The following PCDH11X variants were observed in gnomAD, a reference collection of about 807,000 sequenced individuals.
PCDH11X encodes the protein protocadherin-11 X-linked.
In PCDH11X, 18 loss-of-function variants were observed where a neutral mutation model predicts 53.3. That is an observed-to-expected ratio of 0.34 (90% CI 0.23 to 0.50). The LOEUF is 0.50. PCDH11X is among the 20% of genes least tolerant of loss of function. The pLI is 0.98. For missense variants in PCDH11X, 570 were observed against 1,032.4 expected, an observed-to-expected ratio of 0.55 and a Z score of 6.14; for synonymous variants, 279 against 393.3, an observed-to-expected ratio of 0.71 and a Z score of 3.44.
At chrX:92,414,404 G>A (rs1157049408) in intron 9 of PCDH11X, among the ~76,000 whole-genome samples, 2 of 91,596 alleles carry the variant, frequency 2.2e-5, no homozygotes, top group African/African-American at 4.2e-5. Flanking sequence ...ATAATATCAA[G>A]GTCTTAAATC....
In PCDH11X at chrX:91,941,191, G is replaced by A. The variant is rs560831055; in HGVS notation, c.3033+61918G>A. Among the ~76,000 whole-genome samples the A allele has an allele frequency of 1.0e-3, 113 of 110,588 alleles. 1 individual carries two copies. The South Asian group carries it at 0.043, about 42-fold the overall frequency. ...ACAAAAAAACAAATAGCAAGAAAAC[G>A]GGAAAGACATAGGACAAACAAAAAA... is the stretch of plus-strand genomic sequence containing the variant. On this transcript the variant is annotated intron_variant, in intron 6 of 10. Coordinates refer to ENST00000682573, the MANE Select transcript of PCDH11X (RefSeq NM_032968.5).
intron 6 of PCDH11X, among the ~76,000 whole-genome samples, chrX:91,932,722 G>C (rs187275160): frequency 9.7e-4 from 108 of 111,179 alleles, no homozygotes; most frequent in Non-Finnish European, 2.3e-4. Flanking sequence ...GCCTGAGAAA[G>C]AGATAGAGGG....
Position 91,984,490 on chromosome X carries a change from T to A in PCDH11X, c.3033+105217T>A, listed in dbSNP as rs2147932984. Among the ~76,000 whole-genome samples the A allele has an allele frequency of 2.8e-5, 3 of 105,411 alleles. No individual in the cohort carries two copies. In the East Asian group the frequency reaches 9.0e-4, roughly 32 times the overall value. The allele number at this position is 105,411 out of a possible 115,157, so 91.5% of individuals were successfully genotyped here. A position where few individuals can be genotyped will look rare whatever the true frequency, so the allele number is the denominator to read the frequency against. ...TGTTGACTCTTTTCTACGGCAAATT[T>A]TGAACTCTGAGCTAATCTTCAGAGA... On this transcript the variant is annotated intron_variant, in intron 6 of 10. Coordinates refer to ENST00000682573, the MANE Select transcript of PCDH11X (RefSeq NM_032968.5).
At chrX:92,416,209 TTAA>T (rs2071806944) in intron 9 of PCDH11X, among the ~76,000 whole-genome samples, 1 of 110,686 alleles carries the variant, frequency 9.0e-6, no homozygotes, top group Non-Finnish European at 1.9e-5. Flanking sequence ...GTGGGAATGG[TTAA>T]TGAGTACACA....
chrX:92,356,873 G>C (rs2070221840), intron 8 of PCDH11X, among the ~76,000 whole-genome samples: 1 of 109,678 alleles, frequency 9.1e-6, no homozygotes, highest in Non-Finnish European at 1.9e-5. Context: ...CCAGAGATGG[G>C]CCACGTAAAA....
chrX:92,141,990 G>A (rs948079711), intron 6 of PCDH11X, among the ~76,000 whole-genome samples: 3 of 110,579 alleles, frequency 2.7e-5, no homozygotes, highest in Non-Finnish European at 5.7e-5. Context: ...TATCAGACAA[G>A]GCAGATGCAA....
intron 6 of PCDH11X, among the ~76,000 whole-genome samples, chrX:92,032,658 C>A (rs2063069970): frequency 9.1e-6 from 1 of 110,193 alleles, no homozygotes; most frequent in South Asian, 3.9e-4. Context: ...TATGTTTCTT[C>A]TATCCCTAGT....
At chrX:92,057,979 T>C (rs1176199370) in intron 6 of PCDH11X, among the ~76,000 whole-genome samples, 1 of 92,044 alleles carries the variant, frequency 1.1e-5, no homozygotes, top group Non-Finnish European at 2.0e-5. Context: ...CTTCCCTTTC[T>C]ATGTTGCTCT....
At chrX:92,135,695 C>G (rs965774142) in intron 6 of PCDH11X, among the ~76,000 whole-genome samples, 3 of 109,498 alleles carry the variant, frequency 2.7e-5, no homozygotes, top group Non-Finnish European at 5.7e-5. Flanking sequence ...TCAAGCTGTA[C>G]AGTACCCTGT....
intron 5 of PCDH11X, among the ~76,000 whole-genome samples, chrX:91,871,113 T>C (rs942822890): frequency 1.8e-5 from 2 of 109,586 alleles, no homozygotes; most frequent in Non-Finnish European, 3.8e-5. Flanking sequence ...CCTAATAGTT[T>C]TAGACAGCCT....
chrX:92,096,668 G>A (rs935929811), intron 6 of PCDH11X, among the ~76,000 whole-genome samples: 1 of 110,617 alleles, frequency 9.0e-6, no homozygotes, highest in African/African-American at 3.3e-5. Flanking sequence ...AAGGCAGTAG[G>A]CAAGAGAGAA....
intron 6 of PCDH11X, among the ~76,000 whole-genome samples, chrX:92,015,531 T>C (rs1425084563): frequency 2.7e-5 from 3 of 112,748 alleles, no homozygotes; most frequent in Non-Finnish European, 5.6e-5. Flanking sequence ...AAATCTTTTG[T>C]TGTCAATTCA....
At chrX:92,319,265 T>A (rs894714306) in intron 8 of PCDH11X, among the ~76,000 whole-genome samples, 1 of 112,073 alleles carries the variant, frequency 8.9e-6, no homozygotes, top group Admixed American at 9.5e-5. Flanking sequence ...CTCTATCAAT[T>A]GGTCATTTAT....
chrX:92,229,370 T>G (rs2067028232), intron 7 of PCDH11X, among the ~76,000 whole-genome samples: 1 of 111,066 alleles, frequency 9.0e-6, no homozygotes, highest in South Asian at 3.8e-4. Flanking sequence ...GGTCTCATCT[T>G]TCTCCTCAGA....
chrX:92,143,133 G>A (rs1407357291), intron 6 of PCDH11X, among the ~76,000 whole-genome samples: 1 of 111,306 alleles, frequency 9.0e-6, no homozygotes, highest in Non-Finnish European at 1.9e-5. Context: ...AAAAAAAGTA[G>A]CTAGATGTGG....
At chrX:92,278,238 A>C (rs1282297966) in intron 8 of PCDH11X, among the ~76,000 whole-genome samples, 1 of 111,443 alleles carries the variant, frequency 9.0e-6, no homozygotes, top group Non-Finnish European at 1.9e-5. Flanking sequence ...AATTGGTGAG[A>C]TGTTTCTTGG....
At chrX:92,438,641 G>T (rs1380131753) in intron 9 of PCDH11X, among the ~76,000 whole-genome samples, 5 of 111,245 alleles carry the variant, frequency 4.5e-5, no homozygotes, top group African/African-American at 1.6e-4. Flanking sequence ...CAGAGGAAAA[G>T]AACATTTTTA....
intron 5 of PCDH11X, among the ~76,000 whole-genome samples, chrX:91,867,889 A>T (rs1225817334): frequency 9.0e-6 from 1 of 111,535 alleles, no homozygotes; most frequent in Non-Finnish European, 1.9e-5. Context: ...CTGGGAAAAA[A>T]TTTTTTGATC....
intron 10 of PCDH11X, among the ~76,000 whole-genome samples, chrX:92,616,301 T>C (rs1276159316): frequency 2.0e-3 from 124 of 63,531 alleles, no homozygotes; most frequent in African/African-American, 7.2e-3. Context: ...TAGTTAAGAA[T>C]GCTGCCTAAC....
Sources: gnomAD v4.1 joint callset for allele counts (sites outside exome capture counted in the v4.1 genomes callset) on GRCh38, gnomAD v4.1.1 for gene constraint, MANE v1.5 for transcripts, NCBI Gene and HGNC (gene_info 2026-07-23, HGNC 2026-07-21) for gene names.